Variants in SLC1A2 observed in about 807,000 individuals in gnomAD.
SLC1A2 encodes excitatory amino acid transporter 2.
A neutral mutation model predicts 48.8 loss-of-function variants in SLC1A2; 15 were observed. That is an observed-to-expected ratio of 0.31 (90% CI 0.21 to 0.47). The LOEUF is 0.47. Among genes scored for constraint, SLC1A2 ranks in the 20% least tolerant of loss-of-function variants. SLC1A2 has a pLI of 0.99. For missense variants in SLC1A2, 502 were observed against 730.5 expected, an observed-to-expected ratio of 0.69 and a Z score of 3.61; for synonymous variants, 279 against 272.6, an observed-to-expected ratio of 1.02 and a Z score of -0.23.
intron 1 of SLC1A2, among the ~76,000 whole-genome samples, chr11:35,387,471 C>T (rs1854621535): frequency 6.6e-6 from 1 of 152,142 alleles, no homozygotes; most frequent in African/African-American, 2.4e-5. Flanking sequence ...GCCATATTAC[C>T]TTCCCCTGGA....
rs1401440041 is a variant in SLC1A2, at chr11:35,317,371, A to G, written c.157+6T>C. On this transcript the variant is annotated splice_donor_region_variant and intron_variant, in intron 2 of 10. Transcript: ENST00000278379. ...GGGCTGGGGGTGGGGTAGTGCAGGT[A>G]CCTACCAAACACCGTCAGGGTGAGC... 4 of 1,613,694 alleles carry G rather than the reference A, an allele frequency of 2.5e-6. No individual in the cohort carries two copies. Among genetic ancestry groups the G allele is most frequent in the East Asian group, 4.5e-5 (2 of 44,880 alleles).
At chr11:35,315,483 G>A (rs886322760) in intron 2 of SLC1A2, 2 of 259,678 alleles carry the variant, frequency 7.7e-6, no homozygotes, top group Non-Finnish European at 1.5e-5. Context: ...CTTGGAGCCA[G>A]AAATTGTTTA....
In SLC1A2 at chr11:35,414,906, T is replaced by C. The variant is rs148829647; in HGVS notation, c.17+4044A>G. Among the ~76,000 whole-genome samples, 633 of 152,324 alleles carry C rather than the reference T, an allele frequency of 4.2e-3. 2 individuals carry two copies. The highest frequency in any genetic ancestry group is 0.013 in the African/African-American group (533 of 41,564). ...CAAGCCAGTCCAATGGGAGAAAAAT[T>C]CAATATGAGAAACAATTCAGTTTGC... is the stretch of plus-strand genomic sequence containing the variant. On this transcript the variant is annotated intron_variant, in intron 1 of 10. Transcript: ENST00000278379.
In SLC1A2 at chr11:35,258,020, C is replaced by G. The variant is rs1176163349; in HGVS notation, c.*2874G>C. 6.6e-6 allele frequency: 1 copy of G among 152,102 alleles called. No individual in the cohort carries two copies. The highest frequency in any genetic ancestry group is 1.5e-5 in the Non-Finnish European group (1 of 68,018). The allele number at this position is 152,102 out of a possible 1,614,324, so 9.4% of individuals were successfully genotyped here. ...TTAGATAAAGGTTATTAGAGGTATA[C>G]CCTGGATCCATTTGTTCTGTTTATG... On this transcript the variant is annotated 3_prime_UTR_variant, in exon 11 of 11. Coordinates refer to ENST00000278379, the MANE Select transcript of SLC1A2 (RefSeq NM_004171.4).
Position 35,252,931 on chromosome 11 carries a change from T to A in SLC1A2, c.*7963A>T, listed in dbSNP as rs185378805. The A allele has an allele frequency of 1.6e-4, 25 of 152,714 alleles. No individual in the cohort carries two copies. In the East Asian group the frequency reaches 4.6e-3, roughly 28 times the overall value. 9.5% of individuals were successfully genotyped at this position (152,714 alleles called of 1,614,324 possible). A position where few individuals can be genotyped will look rare whatever the true frequency, so the allele number is the denominator to read the frequency against. The stretch of plus-strand genomic sequence containing the variant: ...TAGCTGTACTTGAAAATAGATACAA[T>A]TATTGCCAGTCGAGGGTACATCTAA... On this transcript the variant is annotated 3_prime_UTR_variant, in exon 11 of 11. Coordinates refer to ENST00000278379, the MANE Select transcript of SLC1A2 (RefSeq NM_004171.4).
At chr11:35,380,130 A>G (rs1310644007) in intron 1 of SLC1A2, among the ~76,000 whole-genome samples, 2 of 152,184 alleles carry the variant, frequency 1.3e-5, no homozygotes, top group Non-Finnish European at 2.9e-5. Context: ...TGCTTTTGAA[A>G]AACCCAAGAG....
intron 1 of SLC1A2, among the ~76,000 whole-genome samples, chr11:35,415,833 C>T (rs752228756): frequency 3.3e-5 from 5 of 152,256 alleles, no homozygotes; most frequent in Middle Eastern, 3.4e-3. Flanking sequence ...GACCTAGCCA[C>T]CCCCCACCTC....
intron 1 of SLC1A2, among the ~76,000 whole-genome samples, chr11:35,413,414 A>T (rs1186922620): frequency 1.3e-5 from 2 of 152,100 alleles, no homozygotes; most frequent in Admixed American, 6.5e-5. Context: ...GCTAAGAGTC[A>T]CTCCTGCTGC....
At chr11:35,354,444 C>T (rs538409871) in intron 1 of SLC1A2, among the ~76,000 whole-genome samples, 35 of 152,028 alleles carry the variant, frequency 2.3e-4, no homozygotes, top group South Asian at 4.2e-4. Flanking sequence ...TATGTGACAA[C>T]GCAAGACTAT....
chr11:35,373,624 G>C (rs555597121), intron 1 of SLC1A2, among the ~76,000 whole-genome samples: 3 of 152,350 alleles, frequency 2.0e-5, no homozygotes, highest in Non-Finnish European at 2.9e-5. Context: ...AGGGCTGCAG[G>C]CTGTGCTGCA....
At chr11:35,400,744 A>C (rs1043942535) in intron 1 of SLC1A2, among the ~76,000 whole-genome samples, 1 of 152,198 alleles carries the variant, frequency 6.6e-6, no homozygotes, top group Non-Finnish European at 1.5e-5. Flanking sequence ...ATCAAATAGA[A>C]GTCTTTTAGT....
chr11:35,297,826 G>A (rs1471301658), intron 6 of SLC1A2: 1 of 152,144 alleles, frequency 6.6e-6, no homozygotes, highest in East Asian at 1.9e-4. Flanking sequence ...TCCATGTAAA[G>A]TGCTTAGACA....
intron 1 of SLC1A2, among the ~76,000 whole-genome samples, chr11:35,325,518 A>G (rs895840201): frequency 6.6e-6 from 1 of 152,218 alleles, no homozygotes; most frequent in Admixed American, 6.5e-5. Context: ...GAATGAATGG[A>G]TGATTAGGTT....
At chr11:35,419,909 C>G (rs1471308128), upstream of SLC1A2, 14 of 469,736 alleles carry the variant, frequency 3.0e-5, no homozygotes, top group African/African-American at 2.4e-4. This position sits in a 1 kb window ranked among gnomAD's most constrained non-coding sequence, Gnocchi z 5.4. Flanking sequence ...CACACTCACC[C>G]CCAAACTCAC....
At chr11:35,370,240 G>A (rs969560173) in intron 1 of SLC1A2, among the ~76,000 whole-genome samples, 3 of 152,192 alleles carry the variant, frequency 2.0e-5, no homozygotes, top group African/African-American at 7.2e-5. Context: ...GCTTGGCCTT[G>A]CTGAAGGTCA....
intron 1 of SLC1A2, among the ~76,000 whole-genome samples, chr11:35,327,107 C>T (rs990289004): frequency 2.0e-5 from 3 of 152,162 alleles, no homozygotes; most frequent in Admixed American, 6.5e-5. Context: ...GCCTCCACAG[C>T]GTTTCTTGAA....
Position 35,260,100 on chromosome 11 carries a change from C to G in SLC1A2, c.*794G>C, listed in dbSNP as rs1166827650. ...ATTTGAATATTTAACTCTGGTTAAA[C>G]TTTATGTTGACTGTGCTCTCTTACT... On this transcript the variant is annotated 3_prime_UTR_variant, in exon 11 of 11. Coordinates refer to ENST00000278379, the MANE Select transcript of SLC1A2 (RefSeq NM_004171.4). 6.6e-6 allele frequency: 1 copy of G among 152,168 alleles called. No individual in the cohort carries two copies. Among genetic ancestry groups the G allele is most frequent in the Admixed American group, 6.5e-5 (1 of 15,278 alleles). 9.4% of individuals were successfully genotyped at this position (152,168 alleles called of 1,614,324 possible).
rs1430526846 is a variant in SLC1A2 at position 35,292,176 on chromosome 11, T to A, written c.1091+111A>T. The A allele has an allele frequency of 1.7e-5, 13 of 760,392 alleles. No homozygotes were observed. In the Admixed American group the frequency reaches 2.8e-4, roughly 16 times the overall value. The allele number at this position is 760,392 out of a possible 1,614,324, so 47.1% of individuals were successfully genotyped here. ...CCTTTTCCAAAAGATCTTAGTAATGTGTGCCAAGTGTTCTTATTGAACTTT... is the reference window on the plus strand; with the variant it reads ...CCTTTTCCAAAAGATCTTAGTAATGAGTGCCAAGTGTTCTTATTGAACTTT... On this transcript the variant is annotated intron_variant, in intron 7 of 10. Transcript: ENST00000278379.
At position 35,292,281 on chromosome 11, in the gene SLC1A2, C is replaced by G; in HGVS notation, c.1091+6G>C. On this transcript the variant is annotated splice_donor_region_variant and intron_variant, in intron 7 of 10. Coordinates refer to ENST00000278379, the MANE Select transcript of SLC1A2 (RefSeq NM_004171.4). Reference sequence around the variant, plus strand: ...AAAGAGAAAGGTGATTTCTTTTGTTCTCTACCTGGAAGCGGTGCCCAGGGC... The same window carrying G: ...AAAGAGAAAGGTGATTTCTTTTGTTGTCTACCTGGAAGCGGTGCCCAGGGC... 6.2e-7 allele frequency: 1 copy of G among 1,600,510 alleles called. No homozygotes were observed. The highest frequency in any genetic ancestry group is 8.6e-7 in the Non-Finnish European group (1 of 1,168,802).
Sources: allele counts gnomAD v4.1 joint callset (sites outside exome capture counted in the v4.1 genomes callset), GRCh38; gene constraint gnomAD v4.1.1; non-coding constraint Gnocchi (gnomAD v3.1); transcripts MANE v1.5; gene names NCBI Gene and HGNC (gene_info 2026-07-23, HGNC 2026-07-21).